Variants in DENND6A observed in about 807,000 individuals in gnomAD.
The protein encoded by DENND6A is DENN domain containing 6A, also known as protein DENND6A.
In DENND6A, 43 loss-of-function variants were observed where a neutral mutation model predicts 95.5. That is an observed-to-expected ratio of 0.45 (90% confidence interval 0.35 to 0.58). The LOEUF is 0.58. Among genes scored for constraint, DENND6A ranks in the 20% least tolerant of loss-of-function variants. The probability of loss-of-function intolerance (pLI) is 0.00; values close to 1 mark genes in which losing one functional copy is unlikely to be tolerated. For missense variants in DENND6A, 574 were observed against 736.0 expected (o/e 0.78, Z 2.55); for synonymous variants, 257 against 260.4 (o/e 0.99, Z 0.13).
At chr3:57,643,929 T>C (rs1019385179) in intron 11 of DENND6A, among the ~76,000 whole-genome samples, 1 of 150,872 alleles carries the variant, frequency 6.6e-6, no homozygotes, top group Non-Finnish European at 1.5e-5. Flanking sequence ...GGTGGGCAGA[T>C]CACGAGGTCA....
intron 1 of DENND6A, among the ~76,000 whole-genome samples, chr3:57,690,103 G>A (rs1354312332): frequency 2.0e-5 from 3 of 151,912 alleles, no homozygotes; most frequent in African/African-American, 7.3e-5. Context: ...CCAGCACTTT[G>A]GGAGGCTGAG....
At chr3:57,648,366 G>C (rs903955723) in intron 9 of DENND6A, among the ~76,000 whole-genome samples, 2 of 152,030 alleles carry the variant, frequency 1.3e-5, no homozygotes, top group African/African-American at 4.8e-5. Context: ...CAAACAAATG[G>C]AAACACATCC....
chr3:57,640,838 C>T (rs2070914763), intron 12 of DENND6A, among the ~76,000 whole-genome samples: 1 of 152,092 alleles, frequency 6.6e-6, no homozygotes, highest in East Asian at 1.9e-4. Flanking sequence ...GACTCATGTC[C>T]TTAATTAATG....
chr3:57,647,293 C>G (rs945719657), intron 9 of DENND6A, among the ~76,000 whole-genome samples: 3 of 152,098 alleles, frequency 2.0e-5, no homozygotes, highest in Non-Finnish European at 2.9e-5. Flanking sequence ...ACAAAAGAAA[C>G]AAACAACAAC....
At chr3:57,646,604 T>A (rs1336606033) in intron 9 of DENND6A, among the ~76,000 whole-genome samples, 166 bp from the exon 10 acceptor site, 1 of 152,244 alleles carries the variant, frequency 6.6e-6, no homozygotes, top group Admixed American at 6.5e-5. Flanking sequence ...TATAGAGACA[T>A]AAGTCCCTTT....
rs2070943627 is a variant in DENND6A at position 57,641,724 on chromosome 3, G to C, written c.1061C>G (p.Thr354Ser). 6.2e-7 allele frequency: 1 copy of C among 1,613,100 alleles called. No individual in the cohort carries two copies. The highest frequency in any genetic ancestry group is 1.1e-5 in the South Asian group (1 of 91,026). The change falls in exon 12 of 20, where the codon ACC becomes AGC. Residue 354 changes from threonine to serine, a missense_variant. By Grantham distance (58) the Thr-to-Ser change is moderately conservative. Around this residue, in one of 2 missense-constraint regions of DENND6A, gnomAD observed 452 missense variants for 630.9 expected, o/e 0.72. Transcript: ENST00000311128. The part of the protein sequence containing the change: ...QAPPSVILGV[T>S]NPFFAKTLQH... ...GAGTGTCTTAGCAAAAAAAGGGTTG[G>C]TTACTCCTAATATAACTGAGGGCCT...
chr3:57,659,326 A>G (rs1480743452), intron 7 of DENND6A, 146 bp from the exon 8 acceptor site: 1 of 763,800 alleles, frequency 1.3e-6, no homozygotes, highest in East Asian at 2.7e-5. Flanking sequence ...AACTAAGGTC[A>G]TATTTATTTT....
At chr3:57,656,821 G>A (rs1309214897) in intron 9 of DENND6A, among the ~76,000 whole-genome samples, 2 of 152,136 alleles carry the variant, frequency 1.3e-5, no homozygotes, top group African/African-American at 4.8e-5. Flanking sequence ...AGCCAGACAT[G>A]GTGGTGTGCA....
chr3:57,649,439 C>T (rs183022561), intron 9 of DENND6A, among the ~76,000 whole-genome samples: 17 of 151,450 alleles, frequency 1.1e-4, no homozygotes, highest in East Asian at 1.9e-4. Context: ...TATGGAAAAC[C>T]GTACAGAGAT....
intron 3 of DENND6A, 54 bp downstream of exon 3, chr3:57,672,202 A>C: frequency 1.4e-6 from 2 of 1,475,468 alleles, no homozygotes; most frequent in Non-Finnish European, 1.9e-6. Context: ...TTAACAGTAT[A>C]ACCAGTATTC....
intron 9 of DENND6A, among the ~76,000 whole-genome samples, chr3:57,649,584 A>G (rs1054725740): frequency 6.6e-6 from 1 of 151,924 alleles, no homozygotes; most frequent in African/African-American, 2.4e-5. Context: ...ACAATGCACA[A>G]TTGCAAAAAT....
chr3:57,660,516 C>A (rs1298203949), intron 7 of DENND6A, among the ~76,000 whole-genome samples: 5 of 151,932 alleles, frequency 3.3e-5, no homozygotes, highest in Non-Finnish European at 7.4e-5. Flanking sequence ...TCACAATTAG[C>A]CTAGGAAACA....
intron 4 of DENND6A, 106 bp downstream of exon 4, chr3:57,666,017 A>G: frequency 5.8e-6 from 5 of 854,818 alleles, no homozygotes; most frequent in Non-Finnish European, 9.3e-6. Context: ...ATAATATAGT[A>G]GCAAAACAAA....
In DENND6A at chr3:57,628,349, C is replaced by T; in HGVS notation, c.1696-4G>A. On this transcript the variant is annotated splice_region_variant and splice_polypyrimidine_tract_variant and intron_variant, in intron 19 of 19. Coordinates refer to ENST00000311128, the MANE Select transcript of DENND6A (RefSeq NM_152678.3). ...AGTGCTCTCGATCAGCCTGCAACTA[C>T]ATAAGGAACATTTCATAACATTTAA... 1.2e-6 allele frequency: 2 copies of T among 1,612,504 alleles called. No homozygotes were observed. Among genetic ancestry groups the T allele is most frequent in the South Asian group, 1.1e-5 (1 of 90,728 alleles).
chr3:57,673,327 A>G (rs914813236), intron 1 of DENND6A, among the ~76,000 whole-genome samples: 3 of 152,150 alleles, frequency 2.0e-5, no homozygotes, highest in African/African-American at 4.8e-5. Context: ...CAGAAAGACA[A>G]ATATCACATG....
chr3:57,690,301 C>G (rs972158367), intron 1 of DENND6A, among the ~76,000 whole-genome samples: 4 of 152,150 alleles, frequency 2.6e-5, no homozygotes, highest in African/African-American at 9.6e-5. Context: ...GTCAGGAGAT[C>G]GAGACCATCC....
chr3:57,680,639 G>A (rs1404018369), intron 1 of DENND6A, among the ~76,000 whole-genome samples: 1 of 152,128 alleles, frequency 6.6e-6, no homozygotes, highest in African/African-American at 2.4e-5. Flanking sequence ...AACAGGCTAA[G>A]ACACAATTAA....
In DENND6A at chr3:57,626,018, T is replaced by C. The variant is rs1025450454; in HGVS notation, c.*2196A>G. 3.3e-5 allele frequency: 5 copies of C among 152,668 alleles called. No individual in the cohort carries two copies. Among genetic ancestry groups the C allele is most frequent in the African/African-American group, 1.2e-4 (5 of 41,472 alleles). The allele number at this position is 152,668 out of a possible 1,614,324, so 9.5% of individuals were successfully genotyped here. ...TTTGAAAAATAATAAGATGACCATT[T>C]ATACCTAAATAAGGTTTCCCAGAAA... On this transcript the variant is annotated 3_prime_UTR_variant, in exon 20 of 20. Coordinates refer to ENST00000311128, the MANE Select transcript of DENND6A (RefSeq NM_152678.3).
At position 57,686,583 on chromosome 3, in the gene DENND6A, C is replaced by T. The variant is rs61309852; in HGVS notation, c.237+6199G>A. On this transcript the variant is annotated intron_variant, in intron 1 of 19. Coordinates refer to ENST00000311128, the MANE Select transcript of DENND6A (RefSeq NM_152678.3). ...GTTCACTTTGTGTCTCTGTGTTACA[C>T]TTTGGTAATTCTCACAATATTTCAA... 3.3e-5 allele frequency among the ~76,000 whole-genome samples: 5 copies of T among 152,282 alleles called. 1 individual carries two copies. The East Asian group carries it at 9.6e-4, about 29-fold the overall frequency.
Sources: allele counts gnomAD v4.1 joint callset (sites outside exome capture counted in the v4.1 genomes callset), GRCh38; gene constraint gnomAD v4.1.1; regional missense constraint gnomAD v4.1.1; transcripts MANE v1.5; gene names NCBI Gene and HGNC (gene_info 2026-07-23, HGNC 2026-07-21).